The following ROBO2 variants were observed in gnomAD, a reference collection of about 807,000 sequenced individuals.
ROBO2 encodes roundabout homolog 2.
In ROBO2, 53 loss-of-function variants were observed where a neutral mutation model predicts 160.8. That is an observed-to-expected ratio of 0.33 (90% CI 0.26 to 0.41). ROBO2 has a LOEUF of 0.41. Ranked by LOEUF, ROBO2 falls within the 10% of genes least tolerant of loss-of-function variation. ROBO2 has a pLI of 1.00. For synonymous variants in ROBO2, 664 were observed against 611.7 expected, an observed-to-expected ratio of 1.09 and a Z score of -1.26; for missense variants, 1,577 against 1,722.4, an observed-to-expected ratio of 0.92 and a Z score of 1.49.
At chr3:76,173,879 A>G (rs1295379783) in intron 2 of ROBO2, among the ~76,000 whole-genome samples, 1 of 152,224 alleles carries the variant, frequency 6.6e-6, no homozygotes, top group East Asian at 1.9e-4. Flanking sequence ...GTATATACCC[A>G]GTAACGGGAT....
At chr3:76,892,710 A>T (rs1286463815) in intron 2 of ROBO2, among the ~76,000 whole-genome samples, 2 of 152,214 alleles carry the variant, frequency 1.3e-5, no homozygotes, top group Non-Finnish European at 2.9e-5. Flanking sequence ...AGAAAAACAC[A>T]CAACCAAACT....
At chr3:76,368,747 A>G (rs925822077) in intron 2 of ROBO2, among the ~76,000 whole-genome samples, 1 of 152,034 alleles carries the variant, frequency 6.6e-6, no homozygotes, top group African/African-American at 2.4e-5. Flanking sequence ...TCCTTGTATC[A>G]GGACGTGGGA....
intron 21 of ROBO2, among the ~76,000 whole-genome samples, chr3:77,614,327 A>G (rs1176260169): frequency 6.6e-6 from 1 of 152,190 alleles, no homozygotes; most frequent in Non-Finnish European, 1.5e-5. Context: ...TAAAACAGAT[A>G]AAAATGGCAT....
intron 2 of ROBO2, among the ~76,000 whole-genome samples, chr3:77,277,963 G>A (rs991099746): frequency 6.6e-6 from 1 of 151,906 alleles, no homozygotes; most frequent in East Asian, 1.9e-4. Flanking sequence ...AAACTCACCA[G>A]CATCTGTTGT....
At chr3:77,356,933 G>A (rs1236619920) in intron 2 of ROBO2, among the ~76,000 whole-genome samples, 1 of 152,120 alleles carries the variant, frequency 6.6e-6, no homozygotes, top group African/African-American at 2.4e-5. Flanking sequence ...GATGACTAAA[G>A]AAGACATTAT....
At chr3:77,427,506 G>A (rs548474231) in intron 2 of ROBO2, among the ~76,000 whole-genome samples, 5 of 152,280 alleles carry the variant, frequency 3.3e-5, no homozygotes, top group South Asian at 2.1e-4. Flanking sequence ...AGCATGTATC[G>A]TAATTGTTAT....
At chr3:77,481,105 G>T in exon 4 of ROBO2, 1 of 1,611,872 alleles carries the variant, frequency 6.2e-7, no homozygotes, top group Non-Finnish European at 8.5e-7. Context: ...ACAGATCCGT[G>T]GTGGAAAACT....
In ROBO2 at chr3:76,838,244, G is replaced by A. The variant is rs1344592042; in HGVS notation, c.110-259770G>A. Among the ~76,000 whole-genome samples, 3 of 152,044 alleles carry A rather than the reference G, an allele frequency of 2.0e-5. No individual in the cohort carries two copies. In the East Asian group the frequency reaches 5.8e-4, roughly 29 times the overall value. On this transcript the variant is annotated intron_variant, in intron 2 of 26. Transcript: ENST00000487694. Reference sequence around the variant, plus strand: ...GGGGTTTACTTGAGAGTGGATGGTGGGAGGAGGGAAAGGAGCAGAAAAGTT... The same window carrying A: ...GGGGTTTACTTGAGAGTGGATGGTGAGAGGAGGGAAAGGAGCAGAAAAGTT...
chr3:77,555,332 C>G (rs1392710813), intron 8 of ROBO2, among the ~76,000 whole-genome samples: 1 of 151,894 alleles, frequency 6.6e-6, no homozygotes, highest in African/African-American at 2.4e-5. Context: ...TGAGATATGC[C>G]TGTATTCCGT....
intron 1 of ROBO2, among the ~76,000 whole-genome samples, chr3:77,097,678 A>G (rs1578941431): frequency 6.6e-6 from 1 of 152,146 alleles, no homozygotes; most frequent in African/African-American, 2.4e-5. Flanking sequence ...GTGTATAATA[A>G]GCAATCTGAG....
At chr3:77,240,724 T>C (rs891879078) in intron 2 of ROBO2, among the ~76,000 whole-genome samples, 2 of 152,262 alleles carry the variant, frequency 1.3e-5, no homozygotes, top group African/African-American at 4.8e-5. Context: ...TGTATAGTTA[T>C]TTGATTAAAT....
At chr3:76,519,483 A>G (rs973573550) in intron 2 of ROBO2, among the ~76,000 whole-genome samples, 2 of 152,230 alleles carry the variant, frequency 1.3e-5, no homozygotes, top group South Asian at 2.1e-4. Flanking sequence ...TCTGTCTGCA[A>G]TTACCTAGCA....
At chr3:77,087,084 A>G (rs919774247) in intron 1 of ROBO2, among the ~76,000 whole-genome samples, 1 of 152,146 alleles carries the variant, frequency 6.6e-6, no homozygotes, top group Non-Finnish European at 1.5e-5. Context: ...TCAGTTACTA[A>G]GATTAATGCT....
intron 2 of ROBO2, among the ~76,000 whole-genome samples, chr3:76,606,625 T>C (rs1237630671): frequency 2.6e-5 from 4 of 152,184 alleles, no homozygotes; most frequent in African/African-American, 9.6e-5. Context: ...ACTATTACAG[T>C]AATATTAACT....
At chr3:76,089,625 A>G (rs1576811718) in intron 2 of ROBO2, among the ~76,000 whole-genome samples, 1 of 152,260 alleles carries the variant, frequency 6.6e-6, no homozygotes, top group Admixed American at 6.5e-5. Flanking sequence ...TGACAAAATC[A>G]AACACCCATT....
intron 2 of ROBO2, among the ~76,000 whole-genome samples, chr3:76,955,787 G>C (rs2079207182): frequency 2.0e-5 from 3 of 151,512 alleles, no homozygotes; most frequent in Admixed American, 1.3e-4. Flanking sequence ...AATTAGCCAG[G>C]CATGGTGGTG....
At chr3:77,296,875 A>G (rs1580835192) in intron 2 of ROBO2, among the ~76,000 whole-genome samples, 1 of 152,174 alleles carries the variant, frequency 6.6e-6, no homozygotes, top group East Asian at 1.9e-4. Context: ...ATTAGCAGCA[A>G]GAAGCCATTC....
At chr3:76,995,964 C>T (rs974280021) in intron 2 of ROBO2, among the ~76,000 whole-genome samples, 10 of 152,112 alleles carry the variant, frequency 6.6e-5, no homozygotes, top group African/African-American at 2.4e-4. Flanking sequence ...AATTAGATCC[C>T]ATCTGTCAAT....
intron 2 of ROBO2, among the ~76,000 whole-genome samples, chr3:76,774,272 C>T (rs1031073417): frequency 6.6e-6 from 1 of 150,822 alleles, no homozygotes; most frequent in African/African-American, 2.4e-5. Flanking sequence ...CTCTAATTTG[C>T]AAGATATGAT....
Sources: gnomAD v4.1 joint callset for allele counts (sites outside exome capture counted in the v4.1 genomes callset) on GRCh38, gnomAD v4.1.1 for gene constraint, MANE v1.5 for transcripts, NCBI Gene and HGNC (gene_info 2026-07-23, HGNC 2026-07-21) for gene names.